The following SPDYE10 variants were observed in gnomAD, a reference collection of about 807,000 sequenced individuals.
SPDYE10 encodes the protein speedy protein E10.
the SPDYE10 span, among the ~76,000 whole-genome samples, chr7:73,142,980 G>GGA: frequency 1.1e-4 from 10 of 93,728 alleles, no homozygotes; most frequent in East Asian, 1.5e-3. Flanking sequence ...GGGAGGGAGG[G>GGA]AGGAAGGAAG....
chr7:73,122,385 A>G, the SPDYE10 span, among the ~76,000 whole-genome samples: 1 of 151,932 alleles, frequency 6.6e-6, no homozygotes, highest in Non-Finnish European at 1.5e-5. Context: ...GATTGAGACC[A>G]TCCTGGCTAA....
chr7:73,128,387 C>T, the SPDYE10 span, among the ~76,000 whole-genome samples: 1 of 143,288 alleles, frequency 7.0e-6, no homozygotes, highest in Non-Finnish European at 1.5e-5. Context: ...AGGTAGACAT[C>T]ATCACAATCA....
the SPDYE10 span, among the ~76,000 whole-genome samples, chr7:73,118,173 A>AG: frequency 2.0e-5 from 1 of 48,972 alleles, no homozygotes; most frequent in Non-Finnish European, 3.7e-5. Context: ...AAAAAAAAAA[A>AG]AGCCAGGACT....
At chr7:73,135,123 G>GC in the SPDYE10 span, among the ~76,000 whole-genome samples, 1 of 152,198 alleles carries the variant, frequency 6.6e-6, no homozygotes, top group East Asian at 1.9e-4. Context: ...TGCCTGCTCA[G>GC]CCCTGGGGCA....
the SPDYE10 span, among the ~76,000 whole-genome samples, chr7:73,123,788 C>CCTCTCTCTCCCTCTCTCTCTCTCTCTCT: frequency 4.1e-5 from 4 of 97,454 alleles, no homozygotes; most frequent in African/African-American, 1.5e-4. Flanking sequence ...TCTCTCTCTC[C>CCTCTCTCTCCCTCTCTCTCTCTCTCTCT]CTCTCTCTCT....
At chr7:73,134,555 A>AAGAAAGAAAGAAAGAAAGAAAGAG in the SPDYE10 span, among the ~76,000 whole-genome samples, 1 of 152,208 alleles carries the variant, frequency 6.6e-6, no homozygotes, top group African/African-American at 2.4e-5. Context: ...GAAAGAAAGA[A>AAGAAAGAAAGAAAGAAAGAAAGAG]AGAAAGAAAG....
chr7:73,145,467 C>A, the SPDYE10 span, among the ~76,000 whole-genome samples: 52 of 140,196 alleles, frequency 3.7e-4, no homozygotes, highest in Non-Finnish European at 2.0e-4. Context: ...AACTCCTGGT[C>A]TCAAGCAATC....
chr7:73,137,630 G>GA, the SPDYE10 span, among the ~76,000 whole-genome samples: 37 of 136,634 alleles, frequency 2.7e-4, no homozygotes, highest in African/African-American at 4.0e-4. Context: ...AAGAAAGAAA[G>GA]AAAGAAAGAA....
chr7:73,130,285 C>G, the SPDYE10 span, among the ~76,000 whole-genome samples: 1 of 150,772 alleles, frequency 6.6e-6, no homozygotes. Flanking sequence ...GAAACCCTAT[C>G]TCTATTATTA....
the SPDYE10 span, among the ~76,000 whole-genome samples, chr7:73,114,199 GA>G: frequency 2.7e-5 from 3 of 110,388 alleles, no homozygotes; most frequent in African/African-American, 8.9e-5. Flanking sequence ...TCAAAAGAAA[GA>G]AAAAGAAAAA....
the SPDYE10 span, among the ~76,000 whole-genome samples, chr7:73,132,709 CT>C: frequency 1.8e-4 from 27 of 151,554 alleles, no homozygotes; most frequent in African/African-American, 5.1e-4. Context: ...AATTAAAGTG[CT>C]TCGTTATCTC....
chr7:73,135,410 T>G, the SPDYE10 span, among the ~76,000 whole-genome samples: 2 of 142,370 alleles, frequency 1.4e-5, no homozygotes, highest in South Asian at 2.2e-4. Flanking sequence ...GTCCACGCAT[T>G]CATTCATTCA....
At chr7:73,154,774 G>A in the SPDYE10 span, among the ~76,000 whole-genome samples, 2 of 151,344 alleles carry the variant, frequency 1.3e-5, no homozygotes, top group South Asian at 2.1e-4. Flanking sequence ...CCGGGCTGCC[G>A]GTAGCTCCGG....
the SPDYE10 span, among the ~76,000 whole-genome samples, chr7:73,145,956 T>C: frequency 2.4e-5 from 1 of 42,278 alleles, no homozygotes; most frequent in Non-Finnish European, 4.7e-5. Context: ...TTTTTTTTTT[T>C]TTTTTTTTGA....
the SPDYE10 span, among the ~76,000 whole-genome samples, chr7:73,116,970 A>G: frequency 6.6e-6 from 1 of 151,182 alleles, no homozygotes; most frequent in Admixed American, 6.6e-5. Context: ...ATCTCGTCTC[A>G]CTATAACCTC....
chr7:73,137,584 A>AG, the SPDYE10 span, among the ~76,000 whole-genome samples: 4 of 143,072 alleles, frequency 2.8e-5, no homozygotes, highest in East Asian at 2.0e-4. Flanking sequence ...GAAAGAAAGA[A>AG]AGAAGAGATG....
chr7:73,137,548 GAA>G, the SPDYE10 span, among the ~76,000 whole-genome samples: 2 of 138,070 alleles, frequency 1.4e-5, no homozygotes, highest in African/African-American at 5.5e-5. Context: ...GAGAGAGAAA[GAA>G]AGAGAAAGAA....
chr7:73,123,419 C>T, the SPDYE10 span, among the ~76,000 whole-genome samples: 3 of 152,176 alleles, frequency 2.0e-5, no homozygotes, highest in Non-Finnish European at 4.4e-5. Context: ...CTCAATTGCC[C>T]ACACTGGTAA....
At chr7:73,116,927 G>A in the SPDYE10 span, among the ~76,000 whole-genome samples, 24 of 151,048 alleles carry the variant, frequency 1.6e-4, no homozygotes, top group East Asian at 1.7e-3. Context: ...ACAGAGTCTC[G>A]CTGTGTTGCC....
Sources: allele counts gnomAD v4.1 joint callset (sites outside exome capture counted in the v4.1 genomes callset), GRCh38; gene constraint gnomAD v4.1.1; transcripts MANE v1.5; gene names NCBI Gene and HGNC (gene_info 2026-07-23, HGNC 2026-07-21).